Variants in RP1L1 observed in about 807,000 individuals in gnomAD.
RP1L1 encodes RP1 like 1.
Under a neutral mutation model 15.7 loss-of-function variants are expected in RP1L1, and 27 were observed. The ratio of observed to expected loss-of-function variants is 1.72; its 90% CI spans 1.27 to 2.38. The LOEUF is 2.38. RP1L1 is among the 30% of genes most tolerant of loss of function. The pLI is 0.00. For synonymous variants in RP1L1, 1,813 were observed against 1,276.7 expected (o/e 1.42, Z -8.96); for missense variants, 4,798 against 3,075.9 (o/e 1.56, Z -13.24).
chr8:10,612,604 G>T lies in RP1L1; in HGVS notation c.1494C>A (p.Ser498Arg). The T allele has an allele frequency of 1.2e-6, 2 of 1,602,218 alleles. No individual in the cohort carries two copies. The highest frequency in any genetic ancestry group is 1.7e-6 in the Non-Finnish European group (2 of 1,179,232). ...TGCATAGGCCGGGGTCCTCACCCAG[G>T]CTCCCTCCAGCTTTCCGCTCAGCCC... ...QIGAERKAGG[S>R]LGEDPGLCID... is the part of the protein sequence containing the mutation. The change falls in exon 4 of 4, where the codon AGC becomes AGA. Residue 498 changes from serine to arginine, a missense_variant. Physicochemically the swap from Ser to Arg is moderately radical, Grantham distance 110. Coordinates refer to ENST00000382483, the MANE Select transcript of RP1L1 (RefSeq NM_178857.6).
At chr8:10,633,242 G>C (rs1393223526) in intron 1 of RP1L1, among the ~76,000 whole-genome samples, 4 of 152,162 alleles carry the variant, frequency 2.6e-5, no homozygotes, top group Admixed American at 1.3e-4. Context: ...GCCAGGTCAG[G>C]GATGGGGAAG....
At position 10,616,322 on chromosome 8, in the gene RP1L1, C is replaced by G. The variant is rs375993286; in HGVS notation, c.751+124G>C. ...AGAGGCAAGAGAGATCCCAAAATGA[C>G]TGGGATACCCAAGATCTGGGGCCAA... On this transcript the variant is annotated intron_variant, in intron 3 of 3. Coordinates refer to ENST00000382483, the MANE Select transcript of RP1L1 (RefSeq NM_178857.6). The G allele has an allele frequency of 1.1e-4, 141 of 1,265,570 alleles. No individual in the cohort carries two copies. The East Asian group carries it at 1.3e-3, about 12-fold the overall frequency. 78.4% of individuals were successfully genotyped at this position (1,265,570 alleles called of 1,614,324 possible).
rs528522828 is a variant in RP1L1 at position 10,612,731 on chromosome 8, G to A, written c.1367C>T (p.Ala456Val). 15 of 1,606,430 alleles carry A rather than the reference G, an allele frequency of 9.3e-6. No individual in the cohort carries two copies. The highest frequency in any genetic ancestry group is 2.2e-5 in the East Asian group (1 of 44,832). Residue 456 changes from alanine (A) to valine (V), a missense_variant, in exon 4 of 4, where the codon GCC becomes GTC. Physicochemically the swap from Ala to Val is moderately conservative, Grantham distance 64. Transcript: ENST00000382483. Reference sequence around the variant, plus strand: ...GCCCTCGGGGAGGCCGGTGCTGGAGGCTGGGCTGGCACTGTCCTGGCTGCA... The same window carrying A: ...GCCCTCGGGGAGGCCGGTGCTGGAGACTGGGCTGGCACTGTCCTGGCTGCA... The part of the protein sequence containing the change: ...ERCSQDSASP[A>V]SSTGLPEGSE...
At position 10,609,768 on chromosome 8, in the gene RP1L1, C is replaced by T. The variant is rs371898327; in HGVS notation, c.4330G>A (p.Ala1444Thr). The T allele has an allele frequency of 1.3e-4, 211 of 1,613,570 alleles. No individual in the cohort carries two copies. The highest frequency in any genetic ancestry group is 3.6e-4 in the East Asian group (16 of 44,864). The change falls in exon 4 of 4, where the codon GCA (alanine) becomes ACA (threonine). Residue 1444 changes from alanine to threonine, a missense_variant. By Grantham distance (58) the Ala-to-Thr change is moderately conservative (BLOSUM62 0). Transcript: ENST00000382483. ...TCTGTGGGTTCCTCTGTGCCCTCTG[C>T]GGGGCACGGCTCTGCAGAGGCAGAG... ...RASASAEPCP[A>T]EGTEEPTEPP...
intron 3 of RP1L1, among the ~76,000 whole-genome samples, chr8:10,614,431 AG>A (rs1797931218): frequency 6.6e-6 from 1 of 152,156 alleles, no homozygotes; most frequent in South Asian, 2.1e-4. Flanking sequence ...AGGCCGAGGC[AG>A]GCGGATCACC....
At chr8:10,614,226 C>T (rs552306710) in intron 3 of RP1L1, among the ~76,000 whole-genome samples, 49 of 152,292 alleles carry the variant, frequency 3.2e-4, no homozygotes, top group African/African-American at 1.0e-3. Flanking sequence ...ATTTATCACC[C>T]TAAGCCTCAT....
rs771662289 is a variant in RP1L1, at chr8:10,608,997, T to A, written c.5101A>T (p.Thr1701Ser). ...QILQRKRGEH[T>S]DGEAAEVAPG... ...GCCACCTCTGCTGCCTCCCCATCAG[T>A]GTGTTCTCCCCTCTTCCTCTGCAGA... Residue 1701 changes from threonine (T) to serine (S), a missense_variant, in exon 4 of 4, where the codon ACT becomes TCT. Thr to Ser is a moderately conservative substitution (Grantham distance 58, BLOSUM62 1). Coordinates refer to ENST00000382483, the MANE Select transcript of RP1L1 (RefSeq NM_178857.6). 6.2e-7 allele frequency: 1 copy of A among 1,613,234 alleles called. No homozygotes were observed. The highest frequency in any genetic ancestry group is 2.2e-5 in the East Asian group (1 of 44,826).
intron 1 of RP1L1, among the ~76,000 whole-genome samples, chr8:10,641,586 C>A (rs1170063051): frequency 6.6e-6 from 1 of 152,188 alleles, no homozygotes; most frequent in East Asian, 1.9e-4. Context: ...AAAGAAAGAG[C>A]TTTTAACCTT....
In RP1L1 at chr8:10,608,802, C is replaced by A; in HGVS notation, c.5296G>T (p.Asp1766Tyr). 6.2e-7 allele frequency: 1 copy of A among 1,614,206 alleles called. No individual in the cohort carries two copies. Among genetic ancestry groups the A allele is most frequent in the Admixed American group, 1.7e-5 (1 of 60,032 alleles). The change falls in exon 4 of 4, where the codon GAT becomes TAT. Residue 1766 changes from aspartate (D) to tyrosine (Y), a missense_variant. By Grantham distance (160) the Asp-to-Tyr change is radical (BLOSUM62 -3). Transcript: ENST00000382483. Reference sequence around the variant, plus strand: ...CCTTCTCTCTCCTGAGCCATTGCATCTCCCTCTGCCTCCCCGAGTTTGGGA... The same window carrying A: ...CCTTCTCTCTCCTGAGCCATTGCATATCCCTCTGCCTCCCCGAGTTTGGGA... ...KDPKLGEAEG[D>Y]AMAQEREGKT...
Position 10,612,804 on chromosome 8 carries a change from C to T in RP1L1, c.1294G>A (p.Val432Ile), listed in dbSNP as rs749125819. ...ARKRWGLAQH[V>I]RCSGLWGHGT... The stretch of plus-strand genomic sequence containing the variant: ...TGGCCCCACAGGCCACTGCAGCGGA[C>T]GTGCTGGGCCAGTCCCCACCTCTTC... Residue 432 changes from valine (V) to isoleucine (I), a missense_variant, in exon 4 of 4, where the codon GTC becomes ATC. Val to Ile is a conservative substitution (Grantham distance 29). Coordinates refer to ENST00000382483, the MANE Select transcript of RP1L1 (RefSeq NM_178857.6). 2.7e-5 allele frequency: 43 copies of T among 1,611,332 alleles called. No homozygotes were observed. Among genetic ancestry groups the T allele is most frequent in the Middle Eastern group, 1.6e-4 (1 of 6,084 alleles).
At chr8:10,641,285 G>C (rs138215918) in intron 1 of RP1L1, among the ~76,000 whole-genome samples, 1 of 152,308 alleles carries the variant, frequency 6.6e-6, no homozygotes, top group African/African-American at 2.4e-5. Flanking sequence ...AGTCAGAATA[G>C]GAGAGCCCAA....
chr8:10,650,444 T>C (rs769862013), intron 1 of RP1L1, among the ~76,000 whole-genome samples: 29 of 152,148 alleles, frequency 1.9e-4, no homozygotes, highest in Non-Finnish European at 3.5e-4. Context: ...TATCCACATC[T>C]ATGATAATGA....
chr8:10,625,770 C>T (rs758301583), intron 1 of RP1L1, among the ~76,000 whole-genome samples: 1 of 152,110 alleles, frequency 6.6e-6, no homozygotes, highest in African/African-American at 2.4e-5. Flanking sequence ...AAGCGGGGAG[C>T]TGTGGTGGGT....
rs1412243375 is a variant in RP1L1 at position 10,611,920 on chromosome 8, A to G, written c.2178T>C (p.Ser726=). The change falls in exon 4 of 4, where the codon TCT becomes TCC. Residue 726 remains serine (S), a synonymous_variant. Coordinates refer to ENST00000382483, the MANE Select transcript of RP1L1 (RefSeq NM_178857.6). ...TTCCCAGAAGGTCCTGGGAAGGAAGAGAGCCCGAGGAGGGAGGTCTCAGGT... is the reference window on the plus strand; with the variant it reads ...TTCCCAGAAGGTCCTGGGAAGGAAGGGAGCCCGAGGAGGGAGGTCTCAGGT... ...SGNLRPPSSG[S]LPSQDLLGTS... is the part of the protein sequence containing the mutation. The G allele has an allele frequency of 6.2e-7, 1 of 1,613,908 alleles. No homozygotes were observed. The highest frequency in any genetic ancestry group is 8.5e-7 in the Non-Finnish European group (1 of 1,180,032).
In RP1L1 at chr8:10,653,502, G is replaced by A. The variant is rs867825546; in HGVS notation, c.-20+1396C>T. Among the ~76,000 whole-genome samples, 12 of 138,362 alleles carry A rather than the reference G, an allele frequency of 8.7e-5. No individual in the cohort carries two copies. The South Asian group carries it at 9.3e-4, about 11-fold the overall frequency. 90.8% of individuals were successfully genotyped at this position (138,362 alleles called of 152,430 possible). ...CATACACACACACACACGTGCACTC[G>A]TAAACTAACACATGCATCACATGCA... On this transcript the variant is annotated intron_variant, in intron 1 of 3. Coordinates refer to ENST00000382483, the MANE Select transcript of RP1L1 (RefSeq NM_178857.6).
At chr8:10,630,985 G>C (rs1184603343) in intron 1 of RP1L1, among the ~76,000 whole-genome samples, 3 of 152,218 alleles carry the variant, frequency 2.0e-5, no homozygotes, top group Admixed American at 1.3e-4. Flanking sequence ...TTTGCAGGTA[G>C]AGTCTTGCTC....
intron 3 of RP1L1, among the ~76,000 whole-genome samples, chr8:10,615,515 C>T (rs1316194286): frequency 1.3e-5 from 2 of 152,128 alleles, no homozygotes; most frequent in Non-Finnish European, 2.9e-5. Flanking sequence ...CCCATTGCTG[C>T]CATGATGTCA....
chr8:10,641,576 A>G (rs1280408087), intron 1 of RP1L1, among the ~76,000 whole-genome samples: 1 of 152,270 alleles, frequency 6.6e-6, no homozygotes, highest in African/African-American at 2.4e-5. Context: ...CCTATAGGTT[A>G]AAGAAAGAGC....
intron 1 of RP1L1, among the ~76,000 whole-genome samples, chr8:10,647,127 C>T (rs1798491339): frequency 1.3e-5 from 2 of 152,208 alleles, no homozygotes; most frequent in Non-Finnish European, 2.9e-5. Context: ...AAAGTGGCTG[C>T]GTTTCCACTG....
Sources: allele counts gnomAD v4.1 joint callset (sites outside exome capture counted in the v4.1 genomes callset), GRCh38; gene constraint gnomAD v4.1.1; transcripts MANE v1.5; gene names NCBI Gene and HGNC (gene_info 2026-07-23, HGNC 2026-07-21).